Variants in PARL observed in about 807,000 individuals in gnomAD.
PARL encodes the protein presenilin-associated rhomboid-like protein, mitochondrial.
PARL carries 44 observed loss-of-function variants against 51.6 expected under a neutral mutation model. The ratio of observed to expected loss-of-function variants is 0.85; its 90% CI spans 0.67 to 1.10. The LOEUF is 1.10. PARL is among the 50% of genes least tolerant of loss of function. The pLI is 0.00. For missense variants in PARL, 441 were observed against 469.5 expected, an observed-to-expected ratio of 0.94 and a Z score of 0.56; for synonymous variants, 172 against 164.0, an observed-to-expected ratio of 1.05 and a Z score of -0.37.
chr3:183,833,517 G>A lies in PARL; in HGVS notation c.1003C>T (p.His335Tyr), dbSNP rs764687816. ...ATTCCAAAAAGAGCTCCCCCAAGAT[G>A]TGCCGCATGATCAAAAAATTTCCAT... ...LGWKFFDHAAHLGGALFGIWY... is the reference protein window; with the variant it reads ...LGWKFFDHAAYLGGALFGIWY... Residue 335 changes from histidine to tyrosine, a missense_variant, in exon 9 of 10, where the codon CAT (histidine) becomes TAT (tyrosine). Coordinates refer to ENST00000317096, the MANE Select transcript of PARL (RefSeq NM_018622.7). 1 of 1,612,320 alleles carries A rather than the reference G, an allele frequency of 6.2e-7. No homozygotes were observed. The highest frequency in any genetic ancestry group is 1.3e-5 in the African/African-American group (1 of 74,984).
intron 4 of PARL, among the ~76,000 whole-genome samples, chr3:183,861,924 C>G (rs1731878084): frequency 6.6e-6 from 1 of 152,166 alleles, no homozygotes; most frequent in Admixed American, 6.5e-5. Context: ...CAGGCACGCA[C>G]CACCACACCT....
chr3:183,869,229 CAG>C (rs1257060516), intron 1 of PARL, among the ~76,000 whole-genome samples: 1 of 152,120 alleles, frequency 6.6e-6, no homozygotes, highest in Non-Finnish European at 1.5e-5. Context: ...TATTCTGAGA[CAG>C]AGTCTTATTC....
In PARL at chr3:183,882,222, A is replaced by ATAT. The variant is rs1553906018; in HGVS notation, c.125+2499_125+2500insATA. 2.3e-3 allele frequency among the ~76,000 whole-genome samples: 104 copies of ATAT among 46,106 alleles called. 2 individuals are homozygous for ATAT. Among genetic ancestry groups the ATAT allele is most frequent in the African/African-American group, 7.1e-3 (90 of 12,620 alleles). 30.2% of individuals were successfully genotyped at this position (46,106 alleles called of 152,430 possible). A position where few individuals can be genotyped will look rare whatever the true frequency, so the allele number is the denominator to read the frequency against. On this transcript the variant is annotated intron_variant, in intron 1 of 9. Transcript: ENST00000317096. ...ATGTCTCTAAAAAAAAAAAAAAAAA[A>ATAT]ATATATATATATATATATATATTTA...
chr3:183,872,149 G>A (rs1733292426), intron 1 of PARL, among the ~76,000 whole-genome samples: 1 of 152,070 alleles, frequency 6.6e-6, no homozygotes, highest in African/African-American at 2.4e-5. Context: ...TTACAGGCAT[G>A]TACTGCCACA....
chr3:183,846,122 GCAC>G (rs1252054348), intron 4 of PARL, among the ~76,000 whole-genome samples: 6 of 151,978 alleles, frequency 3.9e-5, no homozygotes, highest in Non-Finnish European at 2.9e-5. Context: ...GAAACCACAG[GCAC>G]CACAGCACTG....
intron 5 of PARL, chr3:183,843,224 A>C: frequency 1.0e-6 from 1 of 985,278 alleles, no homozygotes; most frequent in Non-Finnish European, 1.2e-6. Context: ...CTGTCTTAAT[A>C]AATCTCTTTT....
rs774370582 is a variant in PARL at position 183,884,711 on chromosome 3, G to A, written c.125+11C>T. The A allele has an allele frequency of 1.3e-6, 2 of 1,586,526 alleles. No homozygotes were observed. The highest frequency in any genetic ancestry group is 2.3e-5 in the East Asian group (1 of 43,480). On this transcript the variant is annotated intron_variant, in intron 1 of 9. Transcript: ENST00000317096. Reference sequence around the variant, plus strand: ...CAAGAGGCGAGAAGACCAGAGCGCGGCGGCTATTACCTGCGTCCGAGGAGC... The same window carrying A: ...CAAGAGGCGAGAAGACCAGAGCGCGACGGCTATTACCTGCGTCCGAGGAGC...
At chr3:183,882,262 TA>T (rs1355637789) in intron 1 of PARL, among the ~76,000 whole-genome samples, 6 of 34,208 alleles carry the variant, frequency 1.8e-4, no homozygotes, top group East Asian at 1.4e-3. Context: ...TATATATATA[TA>T]TATATTTATA....
chr3:183,859,512 T>C (rs1212827209), intron 4 of PARL, among the ~76,000 whole-genome samples: 2 of 152,048 alleles, frequency 1.3e-5, no homozygotes, highest in Non-Finnish European at 2.9e-5. Flanking sequence ...TAATTTTGTA[T>C]TTTTAGTAGA....
At chr3:183,841,650 TACAA>T (rs897599171) in intron 6 of PARL, among the ~76,000 whole-genome samples, 3 of 152,228 alleles carry the variant, frequency 2.0e-5, no homozygotes, top group African/African-American at 7.2e-5. Context: ...AAGTACATTT[TACAA>T]ACAGAGAGGT....
intron 1 of PARL, among the ~76,000 whole-genome samples, chr3:183,871,397 G>A (rs1007909023): frequency 2.0e-5 from 3 of 151,928 alleles, no homozygotes; most frequent in Non-Finnish European, 4.4e-5. Flanking sequence ...CAGCTGGGGT[G>A]CTGTTTAAAA....
chr3:183,831,425 G>A (rs928009976), intron 9 of PARL, among the ~76,000 whole-genome samples: 2 of 152,212 alleles, frequency 1.3e-5, no homozygotes, highest in African/African-American at 4.8e-5. Flanking sequence ...GATTTCTAGG[G>A]CACTCTTTTC....
At chr3:183,871,188 GTACTA>G (rs1733154146) in intron 1 of PARL, among the ~76,000 whole-genome samples, 1 of 152,094 alleles carries the variant, frequency 6.6e-6, no homozygotes, top group African/African-American at 2.4e-5. Flanking sequence ...AAGTAAGGTG[GTACTA>G]TACTCAAAGT....
chr3:183,884,086 CTT>C (rs1160112739), intron 1 of PARL, among the ~76,000 whole-genome samples: 4 of 152,226 alleles, frequency 2.6e-5, no homozygotes, highest in South Asian at 2.1e-4. Flanking sequence ...GAATTTCTCT[CTT>C]CTCTCTCAAA....
chr3:183,875,393 C>G (rs867853826), intron 1 of PARL, among the ~76,000 whole-genome samples: 1 of 115,482 alleles, frequency 8.7e-6, no homozygotes, highest in Admixed American at 1.3e-4. Context: ...CCAGCCTGGG[C>G]GACAGAGCAA....
chr3:183,882,247 A>ATATATT (rs1553906089), intron 1 of PARL, among the ~76,000 whole-genome samples: 19 of 23,334 alleles, frequency 8.1e-4, no homozygotes, highest in East Asian at 3.9e-3. Flanking sequence ...ATATATATTT[A>ATATATT]TATATATATA....
At chr3:183,881,320 C>G (rs1224235478) in intron 1 of PARL, among the ~76,000 whole-genome samples, 2 of 151,984 alleles carry the variant, frequency 1.3e-5, no homozygotes, top group Non-Finnish European at 2.9e-5. Context: ...CGGGTTTTCA[C>G]CATGTTGGCC....
intron 4 of PARL, among the ~76,000 whole-genome samples, chr3:183,846,845 C>A (rs1370243180): frequency 6.6e-6 from 1 of 152,294 alleles, no homozygotes; most frequent in Middle Eastern, 3.4e-3. Context: ...TCTTTGTAAA[C>A]CCTATTCTGA....
At chr3:183,882,223 A>AAAATATATATATATATATATATATATT (rs1734543661) in intron 1 of PARL, among the ~76,000 whole-genome samples, 1 of 35,378 alleles carries the variant, frequency 2.8e-5, no homozygotes, top group Non-Finnish European at 5.1e-5. Context: ...AAAAAAAAAA[A>AAAATATATATATATATATATATATATT]TATATATATA....
Sources: allele counts gnomAD v4.1 joint callset (sites outside exome capture counted in the v4.1 genomes callset), GRCh38; gene constraint gnomAD v4.1.1; transcripts MANE v1.5; gene names NCBI Gene and HGNC (gene_info 2026-07-23, HGNC 2026-07-21).